Variants in GIT2 observed in about 807,000 individuals in gnomAD.
GIT2 encodes GIT ArfGAP 2.
Under a neutral mutation model 100.3 loss-of-function variants are expected in GIT2, and 32 were observed. The observed-to-expected ratio is 0.32, with a 90% CI of 0.24 to 0.43. The LOEUF (loss-of-function observed/expected upper bound fraction) is 0.43, where lower values mean the gene tolerates loss of function less well. Ranked by LOEUF, GIT2 falls within the 20% of genes least tolerant of loss-of-function variation. The pLI is 1.00. For synonymous variants in GIT2, 353 were observed against 364.1 expected, an observed-to-expected ratio of 0.97 and a Z score of 0.35; for missense variants, 737 against 975.1, an observed-to-expected ratio of 0.76 and a Z score of 3.25.
intron 7 of GIT2, among the ~76,000 whole-genome samples, chr12:109,973,420 C>T (rs952938751): frequency 6.6e-6 from 1 of 152,058 alleles, no homozygotes; most frequent in African/African-American, 2.4e-5. Context: ...GGATTACAGG[C>T]ATGAGCCATC....
rs1871834117 is a variant in GIT2, at chr12:109,932,595, T to C, written c.*383A>G. On this transcript the variant is annotated 3_prime_UTR_variant, in exon 20 of 20. Coordinates refer to ENST00000355312, the MANE Select transcript of GIT2 (RefSeq NM_057169.5). ...TGACGCTGATTTTTTCTTTTTTAAC[T>C]GAACTCTCTCAAGAAAATGTTTTAT... 2 of 172,006 alleles carry C rather than the reference T, an allele frequency of 1.2e-5. No homozygotes were observed. The allele number at this position is 172,006 out of a possible 1,614,324, so 10.7% of individuals were successfully genotyped here.
intron 9 of GIT2, among the ~76,000 whole-genome samples, chr12:109,964,314 T>G (rs1881752465): frequency 6.6e-6 from 1 of 152,104 alleles, no homozygotes; most frequent in African/African-American, 2.4e-5. Flanking sequence ...TAAAACACAT[T>G]TATTTCATAA....
chr12:109,951,084 C>T lies in GIT2; in HGVS notation c.1392+83G>A, dbSNP rs1877708378. On this transcript the variant is annotated intron_variant, in intron 14 of 19. Coordinates refer to ENST00000355312, the MANE Select transcript of GIT2 (RefSeq NM_057169.5). ...GTTACAATAACTGTTTTTCTTTCCT[C>T]GGACCACATCACAGTGCCTGAGATT... The T allele has an allele frequency of 6.6e-6, 8 of 1,206,672 alleles. No individual in the cohort carries two copies. The Admixed American group carries it at 1.1e-4, about 17-fold the overall frequency. The allele number at this position is 1,206,672 out of a possible 1,614,324, so 74.7% of individuals were successfully genotyped here. A position where few individuals can be genotyped will look rare whatever the true frequency, so the allele number is the denominator to read the frequency against.
chr12:109,951,338 G>A (rs746528548), intron 13 of GIT2, 22 bp from the exon 14 acceptor site: 16 of 1,582,896 alleles, frequency 1.0e-5, no homozygotes, highest in African/African-American at 5.4e-5. Context: ...TTGGGAAAAC[G>A]TTCACAATCT....
chr12:109,973,449 A>G (rs753055251), intron 7 of GIT2, among the ~76,000 whole-genome samples: 1 of 150,582 alleles, frequency 6.6e-6, no homozygotes, highest in African/African-American at 2.4e-5. Flanking sequence ...TCTGCTTTGT[A>G]TTTTTTTTTA....
rs1428586393 is a variant in GIT2 at position 109,933,325 on chromosome 12, G to A, written c.2068-135C>T. On this transcript the variant is annotated intron_variant, in intron 19 of 19. Coordinates refer to ENST00000355312, the MANE Select transcript of GIT2 (RefSeq NM_057169.5). The surrounding 1 kb of genome is among the most constrained non-coding windows in gnomAD (Gnocchi z 4.5). ...GTTTGGTCCTGCCCTTTCTCAAAGG[G>A]GTGCTTCACACACTCCAAGCTTTGC... The A allele has an allele frequency of 2.4e-5, 15 of 612,404 alleles. No homozygotes were observed. The Middle Eastern group carries it at 1.1e-3, about 46-fold the overall frequency. The allele number at this position is 612,404 out of a possible 1,614,324, so 37.9% of individuals were successfully genotyped here. A position where few individuals can be genotyped will look rare whatever the true frequency, so the allele number is the denominator to read the frequency against.
Position 109,957,651 on chromosome 12 carries a change from C to T in GIT2, c.1099+2196G>A, listed in dbSNP as rs1279191277. Among the ~76,000 whole-genome samples, 6 of 150,218 alleles carry T rather than the reference C, an allele frequency of 4.0e-5. No homozygotes were observed. The South Asian group carries it at 6.3e-4, about 16-fold the overall frequency. ...CCTCCCGAGTAGCTGGGACCACAGGCGTCTGCCACCATGCCCAGCTAATTT... is the reference window on the plus strand; with the variant it reads ...CCTCCCGAGTAGCTGGGACCACAGGTGTCTGCCACCATGCCCAGCTAATTT... On this transcript the variant is annotated intron_variant, in intron 12 of 19. Transcript: ENST00000355312.
intron 4 of GIT2, among the ~76,000 whole-genome samples, chr12:109,988,572 T>C (rs779869038): frequency 4.0e-5 from 6 of 151,694 alleles, no homozygotes; most frequent in Non-Finnish European, 7.4e-5. Flanking sequence ...AAAAAAACCC[T>C]GGCCGGGTGC....
upstream of GIT2, chr12:109,999,692 T>C: frequency 6.5e-7 from 1 of 1,535,952 alleles, no homozygotes; most frequent in Non-Finnish European, 8.8e-7. The surrounding 1 kb of genome is among the most constrained non-coding windows in gnomAD (Gnocchi z 4.3). Context: ...CCTCGCCATG[T>C]CCTCGGCCTG....
In GIT2 at chr12:109,939,236, C is replaced by T. The variant is rs776857175; in HGVS notation, c.1743G>A (p.Leu581=). ...TCTCAGGTGTGCTGTTCTGCTTCTCCAGCCTGGATGCCTACAAGAAAGAAG... is the reference window on the plus strand; with the variant it reads ...TCTCAGGTGTGCTGTTCTGCTTCTCTAGCCTGGATGCCTACAAGAAAGAAG... The part of the protein sequence containing the change: ...RDESARRASR[L]EKQNSTPESD... The change falls in exon 17 of 20, where the codon CTG becomes CTA. Residue 581 remains leucine (L), a synonymous_variant. Coordinates refer to ENST00000355312, the MANE Select transcript of GIT2 (RefSeq NM_057169.5). 8 of 1,600,658 alleles carry T rather than the reference C, an allele frequency of 5.0e-6. No homozygotes were observed. The highest frequency in any genetic ancestry group is 1.3e-5 in the African/African-American group (1 of 74,668).
chr12:109,954,713 A>C (rs1044271754), intron 12 of GIT2, among the ~76,000 whole-genome samples: 1 of 152,162 alleles, frequency 6.6e-6, no homozygotes, highest in Admixed American at 6.5e-5. Context: ...AGCCTGGCCA[A>C]CATGGCAAAA....
rs768965205 is a variant in GIT2, at chr12:109,991,610, GAAT to G, written c.186+14_186+16del. ...AAATGTAAATTACCAACTGTCAGGA[GAAT>G]TCTTATCCTTTACCTGAAGCAGTGT... On this transcript the variant is annotated intron_variant, in intron 2 of 19. Transcript: ENST00000355312. The G allele has an allele frequency of 1.9e-6, 3 of 1,598,424 alleles. No homozygotes were observed. The East Asian group carries it at 6.7e-5, about 36-fold the overall frequency.
At chr12:109,958,311 G>A (rs1440895120) in intron 12 of GIT2, among the ~76,000 whole-genome samples, 1 of 149,546 alleles carries the variant, frequency 6.7e-6, no homozygotes, top group Non-Finnish European at 1.5e-5. Flanking sequence ...GTGTGATCTC[G>A]GCTCACTACA....
At chr12:109,939,408 T>C in intron 16 of GIT2, 161 bp from the exon 17 acceptor site, 3 of 543,056 alleles carry the variant, frequency 5.5e-6, no homozygotes, top group South Asian at 2.0e-5. Context: ...AAGATGAATA[T>C]TGGATCCAGA....
In GIT2 at chr12:109,953,177, T is replaced by A; in HGVS notation, c.1157A>T (p.Asp386Val). 1.9e-6 allele frequency: 3 copies of A among 1,613,944 alleles called. No homozygotes were observed. Among genetic ancestry groups the A allele is most frequent in the Non-Finnish European group, 2.5e-6 (3 of 1,179,780 alleles). Residue 386 changes from aspartate (D) to valine (V), a missense_variant, in exon 13 of 20, where the codon GAC becomes GTC. Physicochemically the swap from Asp to Val is radical, Grantham distance 152. Coordinates refer to ENST00000355312, the MANE Select transcript of GIT2 (RefSeq NM_057169.5). ...GCTGTCATAGTCGGGCTGATCGTTGTCTTGACTCTCAACGCTGTGCTGGTT... is the reference window on the plus strand; with the variant it reads ...GCTGTCATAGTCGGGCTGATCGTTGACTTGACTCTCAACGCTGTGCTGGTT... ...INNQHSVESQ[D>V]NDQPDYDSVA...
intron 16 of GIT2, among the ~76,000 whole-genome samples, chr12:109,944,173 CTG>C (rs772868301): frequency 1.3e-5 from 2 of 152,226 alleles, no homozygotes; most frequent in Non-Finnish European, 2.9e-5. Context: ...ACATGAGACT[CTG>C]TCTCTAAAAA....
At chr12:109,978,262 T>C (rs1392914236) in intron 7 of GIT2, among the ~76,000 whole-genome samples, 1 of 151,880 alleles carries the variant, frequency 6.6e-6, no homozygotes. Flanking sequence ...TTTGTATCTT[T>C]AGTAGAGATG....
rs993048707 is a variant in GIT2, at chr12:109,931,051, G to A, written c.*1927C>T. The A allele has an allele frequency of 6.6e-6, 1 of 152,180 alleles. No individual in the cohort carries two copies. Among genetic ancestry groups the A allele is most frequent in the Non-Finnish European group, 1.5e-5 (1 of 68,040 alleles). 9.4% of individuals were successfully genotyped at this position (152,180 alleles called of 1,614,324 possible). ...TGCTACTCACAGTGAAGCAAAATGC[G>A]ACAAAAGCATCCACACACGGTGACT... On this transcript the variant is annotated 3_prime_UTR_variant, in exon 20 of 20. Coordinates refer to ENST00000355312, the MANE Select transcript of GIT2 (RefSeq NM_057169.5).
At chr12:109,946,179 T>A (rs949954590) in intron 15 of GIT2, among the ~76,000 whole-genome samples, 32 of 152,242 alleles carry the variant, frequency 2.1e-4, no homozygotes, top group Non-Finnish European at 4.1e-4. Flanking sequence ...TCCCATTACA[T>A]CAAATGTATC....
Sources: gnomAD v4.1 joint callset for allele counts (sites outside exome capture counted in the v4.1 genomes callset) on GRCh38, gnomAD v4.1.1 for gene constraint, Gnocchi (gnomAD v3.1) non-coding constraint, MANE v1.5 for transcripts, NCBI Gene and HGNC (gene_info 2026-07-23, HGNC 2026-07-21) for gene names.